Variants in KIAA1549L observed in about 807,000 individuals in gnomAD.
KIAA1549L encodes UPF0606 protein KIAA1549L.
In KIAA1549L, 88 loss-of-function variants were observed where a neutral mutation model predicts 160.7. The ratio of observed to expected loss-of-function variants is 0.55; its 90% CI spans 0.46 to 0.65. KIAA1549L has a LOEUF of 0.65. Among genes scored for constraint, KIAA1549L ranks in the 30% least tolerant of loss-of-function variants. KIAA1549L has a pLI of 0.00. For synonymous variants in KIAA1549L, 950 were observed against 976.7 expected, an observed-to-expected ratio of 0.97 and a Z score of 0.51; for missense variants, 2,258 against 2,437.5, an observed-to-expected ratio of 0.93 and a Z score of 1.55.
chr11:33,490,324 C>CTT (rs776660658), intron 1 of KIAA1549L, among the ~76,000 whole-genome samples: 2,442 of 135,582 alleles, frequency 0.018, 84 homozygotes, highest in African/African-American at 0.063. Context: ...TACTTTACCT[C>CTT]TTTTTTTTTT....
chr11:33,598,360 C>T (rs935169259), intron 12 of KIAA1549L, among the ~76,000 whole-genome samples: 3 of 152,148 alleles, frequency 2.0e-5, no homozygotes, highest in African/African-American at 4.8e-5. Context: ...AAATTGGAAA[C>T]GGAATGTTTT....
At chr11:33,572,660 A>G (rs1216669889) in intron 9 of KIAA1549L, among the ~76,000 whole-genome samples, 1 of 152,180 alleles carries the variant, frequency 6.6e-6, no homozygotes, top group Non-Finnish European at 1.5e-5. Context: ...TTGCTGAATA[A>G]TATTCTCTTA....
At chr11:33,621,760 G>A (rs920531251) in intron 16 of KIAA1549L, among the ~76,000 whole-genome samples, 4 of 152,080 alleles carry the variant, frequency 2.6e-5, no homozygotes, top group Admixed American at 1.3e-4. Flanking sequence ...ATGTGGATAC[G>A]AAACCTTTGC....
At chr11:33,399,738 T>A (rs74652805) in intron 1 of KIAA1549L, among the ~76,000 whole-genome samples, 2,092 of 152,358 alleles carry the variant, frequency 0.014, 41 homozygotes, top group African/African-American at 0.039. Context: ...TGGGCTTTTT[T>A]AATTTTTTTT....
chr11:33,400,915 T>C (rs1245906329), intron 1 of KIAA1549L, among the ~76,000 whole-genome samples: 2 of 152,174 alleles, frequency 1.3e-5, no homozygotes, highest in Non-Finnish European at 2.9e-5. Flanking sequence ...TGATATAACT[T>C]GCCCAGGACC....
intron 1 of KIAA1549L, among the ~76,000 whole-genome samples, chr11:33,436,182 T>C (rs1851377089): frequency 6.6e-6 from 1 of 152,052 alleles, no homozygotes; most frequent in Admixed American, 6.6e-5. Flanking sequence ...GCAGGGATCC[T>C]GGAACTGATC....
intron 1 of KIAA1549L, among the ~76,000 whole-genome samples, chr11:33,492,322 G>A (rs1419343408): frequency 1.3e-5 from 2 of 152,226 alleles, no homozygotes; most frequent in Non-Finnish European, 2.9e-5. Flanking sequence ...AGCTGAGATC[G>A]TGCCACTGCA....
intron 9 of KIAA1549L, among the ~76,000 whole-genome samples, chr11:33,570,988 C>G (rs550208337): frequency 6.6e-6 from 1 of 152,162 alleles, no homozygotes; most frequent in East Asian, 1.9e-4. Context: ...AAACTGACTC[C>G]TAGAAATTCA....
At position 33,543,070 on chromosome 11, in the gene KIAA1549L, T is replaced by G. The variant is rs746807721; in HGVS notation, c.1507T>G (p.Ser503Ala). 3 of 1,613,784 alleles carry G rather than the reference T, an allele frequency of 1.9e-6. No homozygotes were observed. The highest frequency in any genetic ancestry group is 2.5e-6 in the Non-Finnish European group (3 of 1,179,892). ...SPSTGTADFP[S>A]ILTFLQPTEN... is the part of the protein sequence containing the mutation. The stretch of plus-strand genomic sequence containing the variant: ...ATCAACTGGGACAGCCGACTTTCCC[T>G]CCATACTTACTTTCCTCCAGCCCAC... Residue 503 changes from serine (S) to alanine (A), a missense_variant, in exon 2 of 21, where the codon TCC (serine) becomes GCC (alanine). By Grantham distance (99) the Ser-to-Ala change is moderately conservative. This residue lies in a region of KIAA1549L where 540 missense variants were observed against 465.7 expected (regional missense o/e 1.16). Coordinates refer to ENST00000658780, the MANE Select transcript of KIAA1549L (RefSeq NM_012194.3).
intron 1 of KIAA1549L, among the ~76,000 whole-genome samples, chr11:33,512,029 A>G (rs1159418773): frequency 6.6e-6 from 1 of 152,228 alleles, no homozygotes; most frequent in African/African-American, 2.4e-5. Flanking sequence ...TTTTTCTACA[A>G]GCTAGTTAGC....
intron 1 of KIAA1549L, among the ~76,000 whole-genome samples, chr11:33,463,912 G>A (rs1035262923): frequency 2.0e-5 from 3 of 152,014 alleles, no homozygotes; most frequent in African/African-American, 4.8e-5. Context: ...TTTTTCCCTC[G>A]TGCTGTATTT....
In KIAA1549L at chr11:33,465,349, C is replaced by T. The variant is rs115831712; in HGVS notation, c.239-76453C>T. Among the ~76,000 whole-genome samples the T allele has an allele frequency of 7.2e-3, 1,093 of 152,168 alleles. 15 individuals carry two copies. The highest frequency in any genetic ancestry group is 0.025 in the African/African-American group (1,045 of 41,518). On this transcript the variant is annotated intron_variant, in intron 1 of 20. Transcript: ENST00000658780. Reference sequence around the variant, plus strand: ...GATTACAGGTATGAGCCACCGTGCCCGGCCCCAGGGGACCTTCTTGTCTTC... The same window carrying T: ...GATTACAGGTATGAGCCACCGTGCCTGGCCCCAGGGGACCTTCTTGTCTTC...
intron 1 of KIAA1549L, among the ~76,000 whole-genome samples, chr11:33,536,406 C>G (rs920309230): frequency 2.6e-5 from 4 of 152,160 alleles, no homozygotes; most frequent in Non-Finnish European, 5.9e-5. Flanking sequence ...GCTGGCATGC[C>G]AGGCAGGCTT....
intron 3 of KIAA1549L, among the ~76,000 whole-genome samples, chr11:33,545,944 CTA>C (rs951079967): frequency 2.0e-5 from 3 of 152,180 alleles, no homozygotes; most frequent in African/African-American, 7.2e-5. Flanking sequence ...CTTCTGCACA[CTA>C]TGTGGGAGCC....
At chr11:33,475,714 G>T (rs1852271640) in intron 1 of KIAA1549L, among the ~76,000 whole-genome samples, 1 of 147,878 alleles carries the variant, frequency 6.8e-6, no homozygotes, top group Non-Finnish European at 1.5e-5. Context: ...AAAAAAATTA[G>T]CTAGACGTGG....
At chr11:33,446,831 A>G (rs1851622396) in intron 1 of KIAA1549L, among the ~76,000 whole-genome samples, 1 of 151,762 alleles carries the variant, frequency 6.6e-6, no homozygotes, top group South Asian at 2.1e-4. Context: ...CCAAGTGATC[A>G]CGCCAAAAAT....
intron 6 of KIAA1549L, among the ~76,000 whole-genome samples, chr11:33,552,694 ACACAC>A: frequency 9.4e-6 from 1 of 106,682 alleles, no homozygotes; most frequent in Non-Finnish European, 2.3e-5. Context: ...ACACACACAC[ACACAC>A]ACACATGCGT....
chr11:33,492,315 T>A (rs2615940), intron 1 of KIAA1549L, among the ~76,000 whole-genome samples: 1 of 152,112 alleles, frequency 6.6e-6, no homozygotes, highest in East Asian at 1.9e-4. Flanking sequence ...TGCAGTTAGC[T>A]GAGATCGTGC....
At chr11:33,464,696 A>G (rs1040331530) in intron 1 of KIAA1549L, among the ~76,000 whole-genome samples, 1 of 151,984 alleles carries the variant, frequency 6.6e-6, no homozygotes, top group East Asian at 1.9e-4. Flanking sequence ...GTGTTTCTAG[A>G]TCCACATCTG....
Sources: gnomAD v4.1 joint callset for allele counts (sites outside exome capture counted in the v4.1 genomes callset) on GRCh38, gnomAD v4.1.1 for gene constraint, gnomAD v4.1.1 regional missense constraint, MANE v1.5 for transcripts, NCBI Gene and HGNC (gene_info 2026-07-23, HGNC 2026-07-21) for gene names.